The following SCAF4 variants were observed in gnomAD, a reference collection of about 807,000 sequenced individuals.
The protein encoded by SCAF4 is SR-related and CTD-associated factor 4.
A neutral mutation model predicts 129.8 loss-of-function variants in SCAF4; 25 were observed. The ratio of observed to expected loss-of-function variants is 0.19; its 90% CI spans 0.14 to 0.27. The LOEUF is 0.27. SCAF4 is among the 10% of genes least tolerant of loss of function. SCAF4 has a pLI of 1.00. For missense variants in SCAF4, 1,246 were observed against 1,457.1 expected (o/e 0.86, Z 2.36); for synonymous variants, 551 against 497.7 (o/e 1.11, Z -1.43).
intron 19 of SCAF4, among the ~76,000 whole-genome samples, chr21:31,676,863 T>C: frequency 6.6e-6 from 1 of 151,404 alleles, no homozygotes; most frequent in East Asian, 1.9e-4. Flanking sequence ...AGCTTTCCCC[T>C]CATCTGTCCC....
intron 7 of SCAF4, among the ~76,000 whole-genome samples, chr21:31,698,030 G>A (rs957693974): frequency 4.6e-5 from 7 of 152,152 alleles, no homozygotes; most frequent in Non-Finnish European, 1.5e-5. Flanking sequence ...AGGACAGTCT[G>A]TAAGTAATTG....
At chr21:31,700,570 TACAA>T (rs1288637155) in intron 7 of SCAF4, among the ~76,000 whole-genome samples, 2 of 152,056 alleles carry the variant, frequency 1.3e-5, no homozygotes, top group Non-Finnish European at 2.9e-5. Flanking sequence ...ACAAAAAAGA[TACAA>T]GAGTATTAAC....
At chr21:31,684,495 T>A in intron 19 of SCAF4, 1 of 152,714 alleles carries the variant, frequency 6.5e-6, no homozygotes, top group Non-Finnish European at 1.5e-5. Context: ...AAACTGAGAG[T>A]GAGTGGGAAA....
chr21:31,711,927 TGACC>T (rs1462532997), intron 1 of SCAF4, among the ~76,000 whole-genome samples: 1 of 152,182 alleles, frequency 6.6e-6, no homozygotes, highest in Non-Finnish European at 1.5e-5. Context: ...ATGCTTTAAA[TGACC>T]CTACAATACT....
chr21:31,711,033 C>T (rs2050787984), intron 1 of SCAF4, among the ~76,000 whole-genome samples: 1 of 152,038 alleles, frequency 6.6e-6, no homozygotes, highest in Non-Finnish European at 1.5e-5. Flanking sequence ...TTTTTTTAAA[C>T]TCCTGAGTTC....
At position 31,701,023 on chromosome 21, in the gene SCAF4, G is replaced by C. The variant is rs769387537; in HGVS notation, c.749C>G (p.Pro250Arg). The change falls in exon 7 of 20, where the codon CCA becomes CGA. Residue 250 changes from proline (P) to arginine (R), a missense_variant. This residue lies in a region of SCAF4 where 143 missense variants were observed against 161.0 expected (regional missense o/e 0.89). Coordinates refer to ENST00000286835, the MANE Select transcript of SCAF4 (RefSeq NM_020706.2). Reference sequence around the variant, plus strand: ...GTCAAATGCAGTTTTCTGTTCAGGTGGGGGGAAAGCAGCTTTTTGTTCAGA... The same window carrying C: ...GTCAAATGCAGTTTTCTGTTCAGGTCGGGGGAAAGCAGCTTTTTGTTCAGA... ...QPSEQKAAFP[P>R]PEQKTAFDKK... 8 of 1,613,836 alleles carry C rather than the reference G, an allele frequency of 5.0e-6. No homozygotes were observed. Among genetic ancestry groups the C allele is most frequent in the East Asian group, 2.2e-5 (1 of 44,882 alleles).
chr21:31,671,081 A>C lies in SCAF4; in HGVS notation c.*318T>G, dbSNP rs867626934. On this transcript the variant is annotated 3_prime_UTR_variant, in exon 20 of 20. Transcript: ENST00000286835. The stretch of plus-strand genomic sequence containing the variant: ...TAAAAACATCCCTATTGTTTTGAGG[A>C]GCTTTCACCGTTACCTTGTCTTAAA... 8.4e-6 allele frequency: 2 copies of C among 239,004 alleles called. No homozygotes were observed. The highest frequency in any genetic ancestry group is 1.6e-5 in the Non-Finnish European group (2 of 125,644). 14.8% of individuals were successfully genotyped at this position (239,004 alleles called of 1,614,324 possible).
At chr21:31,731,373 T>C (rs1012163156) in intron 1 of SCAF4, among the ~76,000 whole-genome samples, 1 of 152,110 alleles carries the variant, frequency 6.6e-6, no homozygotes, top group Non-Finnish European at 1.5e-5. Context: ...AGGGCCAAGT[T>C]AGAGGAACAG....
intron 1 of SCAF4, among the ~76,000 whole-genome samples, chr21:31,731,047 A>G (rs961189594): frequency 2.6e-5 from 4 of 152,246 alleles, no homozygotes; most frequent in African/African-American, 9.6e-5. Flanking sequence ...ACTTTAAATT[A>G]TAACGAGCCA....
intron 1 of SCAF4, among the ~76,000 whole-genome samples, chr21:31,712,222 C>CTTTTTTTTTTTTTTT (rs11408552): frequency 2.1e-4 from 29 of 135,418 alleles, no homozygotes; most frequent in African/African-American, 7.8e-4. Flanking sequence ...TTGTTTGTTG[C>CTTTTTTTTTTTTTTT]TTTTTTTTTT....
At chr21:31,706,573 C>T (rs1296685416) in intron 1 of SCAF4, 2 of 531,302 alleles carry the variant, frequency 3.8e-6, no homozygotes. Flanking sequence ...AAGGTTAGCT[C>T]TGCCAAAGGG....
chr21:31,726,258 A>G (rs933746413), intron 1 of SCAF4, among the ~76,000 whole-genome samples: 9 of 152,072 alleles, frequency 5.9e-5, no homozygotes, highest in African/African-American at 2.2e-4. Flanking sequence ...TGTTAGCCAG[A>G]ATGGTCTCGA....
chr21:31,720,940 A>G (rs1403705902), intron 1 of SCAF4, among the ~76,000 whole-genome samples: 1 of 152,262 alleles, frequency 6.6e-6, no homozygotes, highest in Admixed American at 6.5e-5. Flanking sequence ...AGTAAACAAC[A>G]AAATGGTTAT....
rs148800734 is a variant in SCAF4 at position 31,680,213 on chromosome 21, T to C, written c.2488+4836A>G. Among the ~76,000 whole-genome samples, 904 of 152,282 alleles carry C rather than the reference T, an allele frequency of 5.9e-3. 6 individuals are homozygous for C. Among genetic ancestry groups the C allele is most frequent in the African/African-American group, 0.02 (820 of 41,542 alleles). On this transcript the variant is annotated intron_variant, in intron 19 of 19. Coordinates refer to ENST00000286835, the MANE Select transcript of SCAF4 (RefSeq NM_020706.2). ...GACAGCCCAGGAGAAATGGAGACAA[T>C]GTGTTAAAACATTTCAAGGTTTTCT...
At chr21:31,699,785 T>C (rs1432525901) in intron 7 of SCAF4, among the ~76,000 whole-genome samples, 1 of 152,202 alleles carries the variant, frequency 6.6e-6, no homozygotes, top group Non-Finnish European at 1.5e-5. Context: ...CAAATGATGT[T>C]TTATAAAGCC....
chr21:31,717,826 C>CATATATATATATATATATAT (rs796625672), intron 1 of SCAF4, among the ~76,000 whole-genome samples: 1 of 110,260 alleles, frequency 9.1e-6, no homozygotes, highest in African/African-American at 3.5e-5. Context: ...AAACTGCTGC[C>CATATATATATATATATATAT]ATATATATAT....
At chr21:31,681,254 G>C (rs1371342383) in intron 19 of SCAF4, among the ~76,000 whole-genome samples, 1 of 152,168 alleles carries the variant, frequency 6.6e-6, no homozygotes, top group East Asian at 1.9e-4. Flanking sequence ...TACTTGTCAA[G>C]AGGCTTTAAT....
At position 31,675,892 on chromosome 21, in the gene SCAF4, T is replaced by G. The variant is rs1411302399; in HGVS notation, c.2489-3538A>C. ...GTACATTAAAGGGCTACGGGGGAGG[T>G]GGGAGAAAGGAAGGTTGATTTCATA... On this transcript the variant is annotated intron_variant, in intron 19 of 19. Coordinates refer to ENST00000286835, the MANE Select transcript of SCAF4 (RefSeq NM_020706.2). Among the ~76,000 whole-genome samples the G allele has an allele frequency of 2.6e-5, 4 of 151,160 alleles. No homozygotes were observed. In the East Asian group the frequency reaches 7.8e-4, roughly 29 times the overall value.
rs1296481238 is a variant in SCAF4 at position 31,685,103 on chromosome 21, C to T, written c.2434G>A (p.Ala812Thr). 6.2e-7 allele frequency: 1 copy of T among 1,613,196 alleles called. No individual in the cohort carries two copies. The highest frequency in any genetic ancestry group is 1.1e-5 in the South Asian group (1 of 91,034). Residue 812 changes from alanine (A) to threonine (T), a missense_variant, in exon 19 of 20, where the codon GCT (alanine) becomes ACT (threonine). Physicochemically the swap from Ala to Thr is moderately conservative, Grantham distance 58 (BLOSUM62 0). Transcript: ENST00000286835. ...VKMYGSAVPPAAPTNLPTPPV... is the reference protein window; with the variant it reads ...VKMYGSAVPPTAPTNLPTPPV... ...GGGGTGGGCAGATTCGTGGGTGCAG[C>T]AGGTGGCACGGCAGAGCCATACATT... is the stretch of plus-strand genomic sequence containing the variant.
Sources: allele counts gnomAD v4.1 joint callset (sites outside exome capture counted in the v4.1 genomes callset), GRCh38; gene constraint gnomAD v4.1.1; regional missense constraint gnomAD v4.1.1; transcripts MANE v1.5; gene names NCBI Gene and HGNC (gene_info 2026-07-23, HGNC 2026-07-21).